The following ATP8B3 variants were observed in gnomAD, a reference collection of about 807,000 sequenced individuals.
The protein encoded by ATP8B3 is phospholipid-transporting ATPase IK.
ATP8B3 carries 141 observed loss-of-function variants against 140.9 expected under a neutral mutation model. That is an observed-to-expected ratio of 1.00 (90% CI 0.87 to 1.15). The LOEUF (loss-of-function observed/expected upper bound fraction) is 1.15, where lower values mean the gene tolerates loss of function less well. Ranked by LOEUF, ATP8B3 falls within the 50% of genes most tolerant of loss-of-function variation. The pLI, the probability that ATP8B3 is intolerant of heterozygous loss-of-function variation, is 0.00. For synonymous variants in ATP8B3, 765 were observed against 714.6 expected (o/e 1.07, Z -1.13); for missense variants, 1,874 against 1,740.6 (o/e 1.08, Z -1.36).
intron 25 of ATP8B3, 51 bp downstream of exon 25, chr19:1,787,052 G>T: frequency 6.7e-7 from 1 of 1,486,188 alleles, no homozygotes. Context: ...GAGGAGAGGA[G>T]GAGAGGCTAA....
chr19:1,809,978 T>C (rs1178395231), intron 3 of ATP8B3, among the ~76,000 whole-genome samples: 1 of 152,218 alleles, frequency 6.6e-6, no homozygotes, highest in Non-Finnish European at 1.5e-5. Context: ...GCCAGGGGCC[T>C]GTCCTGAGAC....
chr19:1,808,398 C>A (rs1600484123), intron 4 of ATP8B3, 63 bp from the exon 5 acceptor site: 5 of 1,309,640 alleles, frequency 3.8e-6, no homozygotes. Context: ...GATGGGGGTG[C>A]CCGAGGCCAG....
intron 24 of ATP8B3, 121 bp downstream of exon 24, chr19:1,788,776 A>T: frequency 1.0e-6 from 1 of 969,250 alleles, no homozygotes; most frequent in Non-Finnish European, 1.5e-6. Flanking sequence ...GCCTCAGGCA[A>T]GCCCTGTCCA....
Position 1,791,821 on chromosome 19 carries a change from C to A in ATP8B3, c.2231G>T (p.Gly744Val). 6.2e-7 allele frequency: 1 copy of A among 1,611,686 alleles called. No individual in the cohort carries two copies. The highest frequency in any genetic ancestry group is 8.5e-7 in the Non-Finnish European group (1 of 1,179,802). ...GAGACATTTGATGGTTTCAGGGACA[C>A]CGTCCTGGAGTCTGTCCTCGATGGC... ...ATAIEDRLQD[G>V]VPETIKCLKK... is the part of the protein sequence containing the mutation. The change falls in exon 20 of 29, where the codon GGT becomes GTT. Residue 744 changes from glycine (G) to valine (V), a missense_variant. Gly to Val is a moderately radical substitution (Grantham distance 109). Transcript: ENST00000310127.
At chr19:1,793,654 GC>G (rs1258536495) in intron 18 of ATP8B3, among the ~76,000 whole-genome samples, 1 of 152,270 alleles carries the variant, frequency 6.6e-6, no homozygotes, top group Non-Finnish European at 1.5e-5. Flanking sequence ...CAAGGAAGGT[GC>G]CCTTACGGCT....
intron 14 of ATP8B3, among the ~76,000 whole-genome samples, chr19:1,797,426 C>A (rs2068714948): frequency 6.6e-6 from 1 of 152,164 alleles, no homozygotes; most frequent in Admixed American, 6.5e-5. Flanking sequence ...ATCCGTGGGA[C>A]ACACTTTGTT....
At chr19:1,808,362 G>A in intron 4 of ATP8B3, 27 bp from the exon 5 acceptor site, 1 of 1,566,024 alleles carries the variant, frequency 6.4e-7, no homozygotes, top group Non-Finnish European at 8.8e-7. Context: ...GGGCTGCCTG[G>A]CAGAGGGGTG....
intron 18 of ATP8B3, among the ~76,000 whole-genome samples, chr19:1,793,157 C>T (rs978010770): frequency 3.3e-5 from 5 of 151,216 alleles, no homozygotes; most frequent in African/African-American, 1.2e-4. Flanking sequence ...GTGGCCCAAT[C>T]ATAGCTCACT....
In ATP8B3 at chr19:1,806,406, A is replaced by G; in HGVS notation, c.677+222T>C. The stretch of plus-strand genomic sequence containing the variant: ...TCTTCAGACTTTCCTTGTCCTCCCC[A>G]TCGCCCGAGCCCTAAGCTCTGCAAG... On this transcript the variant is annotated intron_variant, in intron 7 of 28. Coordinates refer to ENST00000310127, the MANE Select transcript of ATP8B3 (RefSeq NM_138813.4). This position sits in a 1 kb window ranked among gnomAD's most constrained non-coding sequence, Gnocchi z 5.6. The G allele has an allele frequency of 6.9e-7, 1 of 1,441,850 alleles. No individual in the cohort carries two copies. Among genetic ancestry groups the G allele is most frequent in the South Asian group, 1.5e-5 (1 of 67,784 alleles). 89.3% of individuals were successfully genotyped at this position (1,441,850 alleles called of 1,614,324 possible).
chr19:1,806,521 G>T lies in ATP8B3; in HGVS notation c.677+107C>A. 1 of 1,514,168 alleles carries T rather than the reference G, an allele frequency of 6.6e-7. No homozygotes were observed. Among genetic ancestry groups the T allele is most frequent in the East Asian group, 2.5e-5 (1 of 40,700 alleles). 93.8% of individuals were successfully genotyped at this position (1,514,168 alleles called of 1,614,324 possible). A position where few individuals can be genotyped will look rare whatever the true frequency, so the allele number is the denominator to read the frequency against. ...GGTTCCTGTCGGACTCAACCAGCCGGGAGATCAGGGAGCACGGAAGGTGAT... is the reference window on the plus strand; with the variant it reads ...GGTTCCTGTCGGACTCAACCAGCCGTGAGATCAGGGAGCACGGAAGGTGAT... On this transcript the variant is annotated intron_variant, in intron 7 of 28. Coordinates refer to ENST00000310127, the MANE Select transcript of ATP8B3 (RefSeq NM_138813.4). The surrounding 1 kb of genome is among the most constrained non-coding windows in gnomAD (Gnocchi z 5.6).
Position 1,794,372 on chromosome 19 carries a change from T to C in ATP8B3, c.2055+1503A>G, listed in dbSNP as rs749698540. On this transcript the variant is annotated intron_variant, in intron 18 of 28. Coordinates refer to ENST00000310127, the MANE Select transcript of ATP8B3 (RefSeq NM_138813.4). The surrounding 1 kb of genome is among the most constrained non-coding windows in gnomAD (Gnocchi z 4.8). ...GCTGAGCTCCTGGGCTCTAGGTCAT[T>C]ATTGTGACCGCACTTCCAGTTCAGA... Among the ~76,000 whole-genome samples the C allele has an allele frequency of 5.9e-5, 9 of 152,042 alleles. No homozygotes were observed. Among genetic ancestry groups the C allele is most frequent in the Non-Finnish European group, 1.2e-4 (8 of 68,000 alleles).
intron 14 of ATP8B3, chr19:1,799,702 T>C (rs1354080444): frequency 1.2e-5 from 7 of 584,366 alleles, no homozygotes; most frequent in Non-Finnish European, 2.1e-5. Flanking sequence ...AGGTGGAGAT[T>C]GCAGTGAGCC....
At chr19:1,810,885 CCAAGATGATCCTCAAACCTG>C (rs1313321194) in intron 2 of ATP8B3, among the ~76,000 whole-genome samples, 3 of 152,138 alleles carry the variant, frequency 2.0e-5, no homozygotes, top group African/African-American at 7.2e-5. Flanking sequence ...CTAGGGGACC[CCAAGATGATCCTCAAACCTG>C]CAACAGCCCA....
intron 21 of ATP8B3, 108 bp from the exon 22 acceptor site, chr19:1,790,097 C>T: frequency 1.3e-6 from 1 of 764,022 alleles, no homozygotes; most frequent in East Asian, 2.7e-5. Flanking sequence ...TCCCCCACCC[C>T]TGCCCCTTCT....
chr19:1,809,691 C>T lies in ATP8B3; in HGVS notation c.354G>A (p.Gly118=). 1 of 1,611,582 alleles carries T rather than the reference C, an allele frequency of 6.2e-7. No individual in the cohort carries two copies. Among genetic ancestry groups the T allele is most frequent in the South Asian group, 1.1e-5 (1 of 90,530 alleles). ...KVQANNRAYN[G]QFKEKVILCW... is the part of the protein sequence containing the mutation. ...ACAGGATCACCTTCTCCTTGAACTG[C>T]CCGTTGTAGGCACGGTTGTTGGCCT... Residue 118 remains glycine (G), a synonymous_variant, in exon 4 of 29, where the codon GGG becomes GGA. Transcript: ENST00000310127.
At position 1,789,632 on chromosome 19, in the gene ATP8B3, C is replaced by A; in HGVS notation, c.2574G>T (p.Arg858Ser). 6.3e-7 allele frequency: 1 copy of A among 1,595,886 alleles called. No homozygotes were observed. The highest frequency in any genetic ancestry group is 2.3e-5 in the East Asian group (1 of 44,230). Residue 858 changes from arginine (R) to serine (S), a missense_variant, in exon 23 of 29, where the codon AGG becomes AGT. Arg to Ser is a moderately radical substitution (Grantham distance 110, BLOSUM62 -1). Around this residue, in one of 3 missense-constraint regions of ATP8B3, gnomAD observed 840 missense variants for 760.9 expected, o/e 1.10. Transcript: ENST00000310127. Reference sequence around the variant, plus strand: ...ACAGGCGCCTGGCGTAGAGGAAATCCCTCCTGGACTGGCCGAGCTCCTGCC... The same window carrying A: ...ACAGGCGCCTGGCGTAGAGGAAATCACTCCTGGACTGGCCGAGCTCCTGCC... ...EAWQELGQSR[R>S]DFLYARRLSL...
chr19:1,786,087 G>A (rs954424782), intron 25 of ATP8B3, among the ~76,000 whole-genome samples: 28 of 152,114 alleles, frequency 1.8e-4, no homozygotes, highest in African/African-American at 6.0e-4. Flanking sequence ...AGCTGTGATC[G>A]CACCACTGCA....
In ATP8B3 at chr19:1,805,709, G is replaced by A. The variant is rs1423687669; in HGVS notation, c.821+179C>T. ...TGCACACAATGGAAACAATGGGGAGGGTGGGCGTCTTCCTCCCCTCAGTGC... is the reference window on the plus strand; with the variant it reads ...TGCACACAATGGAAACAATGGGGAGAGTGGGCGTCTTCCTCCCCTCAGTGC... On this transcript the variant is annotated intron_variant, in intron 9 of 28. Coordinates refer to ENST00000310127, the MANE Select transcript of ATP8B3 (RefSeq NM_138813.4). This position sits in a 1 kb window ranked among gnomAD's most constrained non-coding sequence, Gnocchi z 5.2. Among the ~76,000 whole-genome samples, 1 of 152,074 alleles carries A rather than the reference G, an allele frequency of 6.6e-6. No homozygotes were observed. The highest frequency in any genetic ancestry group is 2.4e-5 in the African/African-American group (1 of 41,440).
chr19:1,787,196 G>C lies in ATP8B3; in HGVS notation c.3070-10C>G, dbSNP rs754819612. On this transcript the variant is annotated splice_polypyrimidine_tract_variant and intron_variant, in intron 24 of 28. Coordinates refer to ENST00000310127, the MANE Select transcript of ATP8B3 (RefSeq NM_138813.4). The stretch of plus-strand genomic sequence containing the variant: ...ATCCTTCATACAGGGGCTGAGCCGG[G>C]GGAGAAGGGCAAGGAGAACAAGTCA... 1.9e-6 allele frequency: 3 copies of C among 1,602,972 alleles called. No individual in the cohort carries two copies. The East Asian group carries it at 6.7e-5, about 36-fold the overall frequency.
Sources: gnomAD v4.1 joint callset for allele counts (sites outside exome capture counted in the v4.1 genomes callset) on GRCh38, gnomAD v4.1.1 for gene constraint, gnomAD v4.1.1 regional missense constraint, Gnocchi (gnomAD v3.1) non-coding constraint, MANE v1.5 for transcripts, NCBI Gene and HGNC (gene_info 2026-07-23, HGNC 2026-07-21) for gene names.